CSMD1: variants seen among roughly 807,000 people sequenced by gnomAD.
CSMD1 encodes CUB and sushi domain-containing protein 1.
Under a neutral mutation model 417.5 loss-of-function variants are expected in CSMD1, and 213 were observed. The ratio of observed to expected loss-of-function variants is 0.51; its 90% CI spans 0.46 to 0.57. The LOEUF (loss-of-function observed/expected upper bound fraction) is 0.57, where lower values mean the gene tolerates loss of function less well. Ranked by LOEUF, CSMD1 falls within the 20% of genes least tolerant of loss-of-function variation. The pLI is 0.00. For synonymous variants in CSMD1, 2,862 were observed against 1,736.8 expected (o/e 1.65, Z -16.11); for missense variants, 6,923 against 4,529.7 (o/e 1.53, Z -15.17).
Position 3,060,057 on chromosome 8 carries a change from T to A in CSMD1, c.7475-7410A>T, listed in dbSNP as rs17079220. 4.5e-3 allele frequency among the ~76,000 whole-genome samples: 685 copies of A among 152,208 alleles called. 9 individuals carry two copies. Among genetic ancestry groups the A allele is most frequent in the African/African-American group, 0.015 (637 of 41,548 alleles). The stretch of plus-strand genomic sequence containing the variant: ...TTCTAACATTTACCGCAAACTGGAA[T>A]AAAGTACTTTCCGGCTCTTTCTATG... On this transcript the variant is annotated intron_variant, in intron 49 of 69. Transcript: ENST00000635120.
At chr8:4,022,560 G>A (rs764563375) in intron 4 of CSMD1, among the ~76,000 whole-genome samples, 1 of 152,174 alleles carries the variant, frequency 6.6e-6, no homozygotes, top group South Asian at 2.1e-4. Context: ...ATGAAACAGG[G>A]TGTGCATTGA....
At chr8:4,009,858 T>G (rs556573677) in intron 4 of CSMD1, among the ~76,000 whole-genome samples, 3 of 152,228 alleles carry the variant, frequency 2.0e-5, no homozygotes, top group African/African-American at 7.2e-5. Context: ...CTGAGGCCAT[T>G]AAGAGGGTAC....
At chr8:3,662,982 G>A (rs28565425) in intron 7 of CSMD1, among the ~76,000 whole-genome samples, 22,144 of 152,076 alleles carry the variant, frequency 0.15, 1,947 homozygotes, top group South Asian at 0.22. Flanking sequence ...TTCTGCACAA[G>A]TATCCCAGAA....
At chr8:4,897,033 T>A (rs180857906) in intron 1 of CSMD1, among the ~76,000 whole-genome samples, 2 of 152,274 alleles carry the variant, frequency 1.3e-5, no homozygotes. Context: ...GACAGTTTTA[T>A]CAATGTTTTA....
intron 3 of CSMD1, among the ~76,000 whole-genome samples, chr8:4,418,124 T>G (rs1230666257): frequency 6.6e-6 from 1 of 152,072 alleles, no homozygotes; most frequent in Non-Finnish European, 1.5e-5. Context: ...AAGCACCTTT[T>G]TGACAGGTTT....
intron 1 of CSMD1, among the ~76,000 whole-genome samples, chr8:4,918,812 T>C (rs1486581846): frequency 2.6e-5 from 4 of 152,238 alleles, no homozygotes; most frequent in Non-Finnish European, 5.9e-5. Context: ...CTTGTGAATA[T>C]GTATGTTTGT....
chr8:4,822,768 C>G lies in CSMD1; in HGVS notation c.85+171564G>C, dbSNP rs75508093. Among the ~76,000 whole-genome samples the G allele has an allele frequency of 3.9e-3, 588 of 152,136 alleles. 3 individuals are homozygous for G. Among genetic ancestry groups the G allele is most frequent in the African/African-American group, 0.014 (571 of 41,522 alleles). On this transcript the variant is annotated intron_variant, in intron 1 of 69. Coordinates refer to ENST00000635120, the MANE Select transcript of CSMD1 (RefSeq NM_033225.6). ...TTATATATAATACTGTTTTTAACCTCTGGGTATGGCAATCAAATCTTTTTA... is the reference window on the plus strand; with the variant it reads ...TTATATATAATACTGTTTTTAACCTGTGGGTATGGCAATCAAATCTTTTTA...
chr8:3,110,425 A>G (rs1308049659), intron 42 of CSMD1, 90 bp from the exon 43 acceptor site: 2 of 1,089,764 alleles, frequency 1.8e-6, no homozygotes, highest in East Asian at 5.6e-5. Flanking sequence ...ACCTTAGCCA[A>G]CATTTTTCCT....
At chr8:4,077,301 A>ATATATATATATG (rs1799877013) in intron 3 of CSMD1, among the ~76,000 whole-genome samples, 1 of 73,540 alleles carries the variant, frequency 1.4e-5, no homozygotes, top group African/African-American at 3.6e-5. Context: ...ATATGTGTAT[A>ATATATATATATG]TATATATATA....
intron 3 of CSMD1, among the ~76,000 whole-genome samples, chr8:4,164,625 T>A (rs1030157349): frequency 6.6e-6 from 1 of 152,186 alleles, no homozygotes; most frequent in Non-Finnish European, 1.5e-5. Flanking sequence ...TTGGTTTACA[T>A]ACTTCTGTGA....
chr8:4,899,636 CTG>C (rs1037690905), intron 1 of CSMD1, among the ~76,000 whole-genome samples: 6 of 152,118 alleles, frequency 3.9e-5, no homozygotes, highest in African/African-American at 1.4e-4. Flanking sequence ...AGGGTTTTGT[CTG>C]TAGTTTTGCA....
At chr8:3,257,565 G>A (rs1441363398) in intron 26 of CSMD1, among the ~76,000 whole-genome samples, 1 of 152,208 alleles carries the variant, frequency 6.6e-6, no homozygotes, top group Non-Finnish European at 1.5e-5. Flanking sequence ...AGTTGGTGGT[G>A]ATTTCAGGTG....
intron 5 of CSMD1, among the ~76,000 whole-genome samples, chr8:3,981,123 G>T (rs974059607): frequency 1.3e-5 from 2 of 152,198 alleles, no homozygotes; most frequent in African/African-American, 4.8e-5. Context: ...AATGTCAGGA[G>T]TCCTCCAGAT....
intron 3 of CSMD1, among the ~76,000 whole-genome samples, chr8:4,265,064 G>A (rs1057379227): frequency 6.6e-6 from 1 of 152,060 alleles, no homozygotes; most frequent in Non-Finnish European, 1.5e-5. Context: ...TGATACAAAG[G>A]CTGCTCCTTA....
At chr8:3,873,555 G>T (rs1263371387) in intron 5 of CSMD1, among the ~76,000 whole-genome samples, 2 of 151,986 alleles carry the variant, frequency 1.3e-5, no homozygotes, top group Non-Finnish European at 2.9e-5. Context: ...CCTACTGCAG[G>T]GTGGACGGTG....
chr8:4,181,283 A>G (rs1798356250), intron 3 of CSMD1, among the ~76,000 whole-genome samples: 1 of 152,206 alleles, frequency 6.6e-6, no homozygotes, highest in Non-Finnish European at 1.5e-5. Context: ...TGAATTTGAT[A>G]TTTATTGTAA....
chr8:4,890,243 C>T (rs1432121312), intron 1 of CSMD1, among the ~76,000 whole-genome samples: 4 of 152,076 alleles, frequency 2.6e-5, no homozygotes, highest in African/African-American at 9.7e-5. Flanking sequence ...ACTGAAGCAG[C>T]ACGATAGAGT....
chr8:3,765,961 G>A (rs183059579), intron 5 of CSMD1, among the ~76,000 whole-genome samples: 175 of 152,334 alleles, frequency 1.1e-3, no homozygotes, highest in African/African-American at 4.1e-3. Context: ...AGCAAATCAG[G>A]CATCAGGAAT....
intron 7 of CSMD1, among the ~76,000 whole-genome samples, chr8:3,650,575 C>T (rs1247967461): frequency 1.3e-5 from 2 of 152,108 alleles, no homozygotes; most frequent in Non-Finnish European, 2.9e-5. Context: ...TTGTATACTG[C>T]TAGTTATTCT....
Sources: allele counts gnomAD v4.1 joint callset (sites outside exome capture counted in the v4.1 genomes callset), GRCh38; gene constraint gnomAD v4.1.1; transcripts MANE v1.5; gene names NCBI Gene and HGNC (gene_info 2026-07-23, HGNC 2026-07-21).